Variants in CTDP1 observed in about 807,000 individuals in gnomAD.
The protein encoded by CTDP1 is RNA polymerase II subunit A C-terminal domain phosphatase.
A neutral mutation model predicts 91.8 loss-of-function variants in CTDP1; 47 were observed. That is an observed-to-expected ratio of 0.51 (90% CI 0.41 to 0.65). The LOEUF is 0.65. CTDP1 is among the 30% of genes least tolerant of loss of function. The pLI, the probability that CTDP1 is intolerant of heterozygous loss-of-function variation, is 0.00. For missense variants in CTDP1, 1,272 were observed against 1,373.7 expected, an observed-to-expected ratio of 0.93 and a Z score of 1.17; for synonymous variants, 656 against 598.5, an observed-to-expected ratio of 1.10 and a Z score of -1.40.
intron 5 of CTDP1, among the ~76,000 whole-genome samples, chr18:79,706,657 C>T (rs1353688595): frequency 1.3e-5 from 2 of 152,186 alleles, no homozygotes; most frequent in African/African-American, 4.8e-5. Flanking sequence ...AAGAATTTAT[C>T]CATCACGTTG....
chr18:79,724,832 T>C (rs1568204555), intron 10 of CTDP1, among the ~76,000 whole-genome samples: 1 of 152,290 alleles, frequency 6.6e-6, no homozygotes, highest in East Asian at 1.9e-4. Context: ...CCCCAGATGC[T>C]CTTGAGGGTG....
In CTDP1 at chr18:79,704,831, GC is replaced by G; in HGVS notation, c.687del (p.Cys229Ter). The G allele has an allele frequency of 6.2e-7, 1 of 1,614,048 alleles. No homozygotes were observed. Among genetic ancestry groups the G allele is most frequent in the Non-Finnish European group, 8.5e-7 (1 of 1,180,036 alleles). On this transcript the variant is annotated frameshift_variant, in exon 5 of 13. Coordinates refer to ENST00000613122, the MANE Select transcript of CTDP1 (RefSeq NM_004715.5). LOFTEE classifies it high-confidence loss of function. ...CTGCACACGCGCCTGCGTCCACACT[GC>G]AAGGACTTCCTGGAGAAGATCGCCA... ...PMLHTRLRPH[C>X]KDFLEKIAKL...
At chr18:79,696,327 C>G (rs1369674267) in intron 3 of CTDP1, among the ~76,000 whole-genome samples, 4 of 152,186 alleles carry the variant, frequency 2.6e-5, no homozygotes, top group Admixed American at 2.6e-4. Flanking sequence ...GTCGGGAACA[C>G]CAGGTGCTGC....
In CTDP1 at chr18:79,693,638, G is replaced by T. The variant is rs1026581422; in HGVS notation, c.315-1587G>T. ...CTGTGTACGCACAGGCCCAGGACCC[G>T]GAGGAGCTCAGATTCTTGATAGTCA... is the stretch of plus-strand genomic sequence containing the variant. On this transcript the variant is annotated intron_variant, in intron 1 of 12. Transcript: ENST00000613122. Among the ~76,000 whole-genome samples, 3 of 152,138 alleles carry T rather than the reference G, an allele frequency of 2.0e-5. No homozygotes were observed. In the South Asian group the frequency reaches 6.2e-4, roughly 32 times the overall value.
intron 12 of CTDP1, among the ~76,000 whole-genome samples, chr18:79,744,472 G>A (rs1372976702): frequency 1.3e-5 from 2 of 152,230 alleles, no homozygotes; most frequent in Non-Finnish European, 2.9e-5. Context: ...AAGCAGAGTG[G>A]CGGTGTGAAC....
chr18:79,703,720 A>T (rs2085905871), intron 4 of CTDP1: 1 of 152,282 alleles, frequency 6.6e-6, no homozygotes, highest in Non-Finnish European at 1.5e-5. Context: ...GTTAGCTCAT[A>T]GTTAGTGTAG....
At chr18:79,710,562 C>T (rs2086059605) in intron 6 of CTDP1, 126 bp downstream of exon 6, 3 of 750,160 alleles carry the variant, frequency 4.0e-6, no homozygotes, top group Non-Finnish European at 6.9e-6. Context: ...TTGCTGTTGC[C>T]CAGGCTAGAG....
chr18:79,750,869 C>A (rs926272931), intron 12 of CTDP1, among the ~76,000 whole-genome samples: 1 of 151,520 alleles, frequency 6.6e-6, no homozygotes, highest in African/African-American at 2.4e-5. Context: ...TCTCATGGAT[C>A]CAGGGGTCCC....
intron 5 of CTDP1, among the ~76,000 whole-genome samples, chr18:79,705,317 C>T (rs1300042878): frequency 6.6e-6 from 1 of 152,164 alleles, no homozygotes; most frequent in Admixed American, 6.5e-5. Context: ...CATGGGTACC[C>T]TTAGGGTTTA....
In CTDP1 at chr18:79,700,150, C is replaced by T. The variant is rs1169589878; in HGVS notation, c.621+2162C>T. On this transcript the variant is annotated intron_variant, in intron 4 of 12. Transcript: ENST00000613122. ...GGCCTCCCTATTCCCTGAGACATAA[C>T]AGTATTGAAATTAGGCCAGCGTAGT... Among the ~76,000 whole-genome samples the T allele has an allele frequency of 3.3e-5, 5 of 152,182 alleles. No individual in the cohort carries two copies. In the East Asian group the frequency reaches 7.7e-4, roughly 23 times the overall value.
At chr18:79,730,068 C>T (rs2086535192) in intron 11 of CTDP1, among the ~76,000 whole-genome samples, 2 of 152,340 alleles carry the variant, frequency 1.3e-5, no homozygotes, top group Non-Finnish European at 1.5e-5. Context: ...AGGACAGACT[C>T]GTCTCAGTAA....
intron 4 of CTDP1, chr18:79,702,802 T>C (rs2085887940): frequency 6.6e-6 from 1 of 152,200 alleles, no homozygotes; most frequent in Non-Finnish European, 1.5e-5. Flanking sequence ...AACCAAAAAA[T>C]TCATGTGATT....
intron 12 of CTDP1, among the ~76,000 whole-genome samples, chr18:79,746,486 GGA>G (rs2122868337): frequency 6.6e-6 from 1 of 152,368 alleles, no homozygotes; most frequent in African/African-American, 2.4e-5. Flanking sequence ...CATAGCACGC[GGA>G]GTTTTGGTTT....
Position 79,713,894 on chromosome 18 carries a change from G to A in CTDP1, c.1031-597G>A, listed in dbSNP as rs541245348. On this transcript the variant is annotated intron_variant, in intron 7 of 12. Transcript: ENST00000613122. The surrounding 1 kb of genome is among the most constrained non-coding windows in gnomAD (Gnocchi z 4.7). ...CAGGTCTGCAGGGGCTTACGGCCAC[G>A]GTGGCGCCAGGTCTGCAGGGGCTTA... Among the ~76,000 whole-genome samples, 349 of 151,134 alleles carry A rather than the reference G, an allele frequency of 2.3e-3. 1 individual carries two copies. Among genetic ancestry groups the A allele is most frequent in the African/African-American group, 7.6e-3 (312 of 40,848 alleles).
At chr18:79,693,256 T>C (rs1458122903) in intron 1 of CTDP1, among the ~76,000 whole-genome samples, 1 of 152,134 alleles carries the variant, frequency 6.6e-6, no homozygotes, top group East Asian at 1.9e-4. Context: ...TTTTTTTGTT[T>C]TTGTTTTTGT....
In CTDP1 at chr18:79,715,187, T is replaced by TGGA. The variant is rs3833180; in HGVS notation, c.1746_1748dup (p.Glu582dup). 0.033 allele frequency: 53,136 copies of TGGA among 1,610,310 alleles called. 1,647 individuals are homozygous for TGGA. The highest frequency in any genetic ancestry group is 0.19 in the East Asian group (8,373 of 44,526). On this transcript the variant is annotated inframe_insertion, in exon 8 of 13. Transcript: ENST00000613122. Reference sequence around the variant, plus strand: ...GCGGGTGAGTCCCTGGACCAGAGCATGGAGGAGGAGGAGGAGGAGGACACG... The same window carrying TGGA: ...GCGGGTGAGTCCCTGGACCAGAGCATGGAGGAGGAGGAGGAGGAGGAGGACACG...
At chr18:79,694,434 G>A (rs1198549485) in intron 1 of CTDP1, among the ~76,000 whole-genome samples, 10 of 119,818 alleles carry the variant, frequency 8.3e-5, no homozygotes, top group African/African-American at 2.6e-4. Flanking sequence ...CGGCTGGGAT[G>A]GGAGTGTGGG....
At chr18:79,720,523 C>A (rs2086322244) in intron 10 of CTDP1, among the ~76,000 whole-genome samples, 1 of 151,454 alleles carries the variant, frequency 6.6e-6, no homozygotes. Context: ...GTGATGATGT[C>A]ACCACCCGTC....
At chr18:79,739,590 G>A (rs2086734178) in intron 12 of CTDP1, among the ~76,000 whole-genome samples, 1 of 152,186 alleles carries the variant, frequency 6.6e-6, no homozygotes, top group African/African-American at 2.4e-5. Context: ...GCTGCAGGAG[G>A]TGGTTGGGGT....
Sources: gnomAD v4.1 joint callset for allele counts (sites outside exome capture counted in the v4.1 genomes callset) on GRCh38, gnomAD v4.1.1 for gene constraint, Gnocchi (gnomAD v3.1) non-coding constraint, MANE v1.5 for transcripts, NCBI Gene and HGNC (gene_info 2026-07-23, HGNC 2026-07-21) for gene names.